The following NALF1 variants were observed in gnomAD, a reference collection of about 807,000 sequenced individuals.
NALF1 encodes the protein family with sequence similarity 155 member A.
In NALF1, 3 loss-of-function variants were observed where a neutral mutation model predicts 48.4. The observed-to-expected ratio is 0.06, with a 90% CI of 0.03 to 0.16. NALF1 has a LOEUF of 0.16. NALF1 is among the 10% of genes least tolerant of loss of function. The pLI, the probability that NALF1 is intolerant of heterozygous loss-of-function variation, is 1.00. For missense variants in NALF1, 526 were observed against 571.5 expected (o/e 0.92, Z 0.81); for synonymous variants, 262 against 245.7 (o/e 1.07, Z -0.62).
Position 107,638,201 on chromosome 13 carries a change from A to ATATATGTATATGTATG in NALF1, c.915+227480_915+227481insCATACATATACATATA, listed in dbSNP as rs1555314240. On this transcript the variant is annotated intron_variant, in intron 1 of 2. Transcript: ENST00000375915. ...TATATAAAGATTTATATATATATAT[A>ATATATGTATATGTATG]TATATAATTTAAGATGAACATTGGG... 6.3e-5 allele frequency among the ~76,000 whole-genome samples: 7 copies of ATATATGTATATGTATG among 110,832 alleles called. 1 individual carries two copies. The highest frequency in any genetic ancestry group is 2.0e-4 in the African/African-American group (7 of 35,242). The allele number at this position is 110,832 out of a possible 152,430, so 72.7% of individuals were successfully genotyped here. A position where few individuals can be genotyped will look rare whatever the true frequency, so the allele number is the denominator to read the frequency against.
intron 1 of NALF1, among the ~76,000 whole-genome samples, chr13:107,445,335 T>C (rs1884632356): frequency 6.8e-6 from 1 of 147,706 alleles, no homozygotes; most frequent in South Asian, 2.2e-4. Context: ...CATCATGTCA[T>C]ATGTAAACTT....
intron 1 of NALF1, among the ~76,000 whole-genome samples, chr13:107,414,034 A>G (rs1884040666): frequency 1.3e-5 from 2 of 152,150 alleles, no homozygotes; most frequent in African/African-American, 4.8e-5. Flanking sequence ...TGCTCAGCCC[A>G]CCTTGGCCTC....
At chr13:107,854,441 G>A (rs1372700238) in intron 1 of NALF1, among the ~76,000 whole-genome samples, 3 of 152,156 alleles carry the variant, frequency 2.0e-5, no homozygotes, top group Non-Finnish European at 4.4e-5. Context: ...TGTTCACTAC[G>A]GCCGGAGATA....
chr13:107,763,808 A>C (rs1877340557), intron 1 of NALF1, among the ~76,000 whole-genome samples: 1 of 152,214 alleles, frequency 6.6e-6, no homozygotes, highest in Non-Finnish European at 1.5e-5. Flanking sequence ...CAGGACTACC[A>C]GGTATACAAT....
chr13:107,569,195 C>A (rs1045061193), intron 1 of NALF1, among the ~76,000 whole-genome samples: 14 of 152,036 alleles, frequency 9.2e-5, no homozygotes, highest in Admixed American at 1.3e-4. Context: ...CACAGCCAGG[C>A]GTGGTGGCTC....
At chr13:107,740,047 C>T (rs1188678626) in intron 1 of NALF1, among the ~76,000 whole-genome samples, 1 of 152,088 alleles carries the variant, frequency 6.6e-6, no homozygotes, top group Non-Finnish European at 1.5e-5. Context: ...ATAAAGTGCA[C>T]AATAAGTGTA....
chr13:107,254,137 C>T (rs893499570), intron 1 of NALF1, among the ~76,000 whole-genome samples: 3 of 151,742 alleles, frequency 2.0e-5, no homozygotes, highest in African/African-American at 7.3e-5. Context: ...AGGCCAATTA[C>T]ACACAGGCAA....
intron 1 of NALF1, among the ~76,000 whole-genome samples, chr13:107,634,451 TA>T (rs1879920963): frequency 6.6e-6 from 1 of 152,188 alleles, no homozygotes; most frequent in Non-Finnish European, 1.5e-5. Context: ...ATGAATTTTT[TA>T]AAAAATTAAT....
intron 1 of NALF1, among the ~76,000 whole-genome samples, chr13:107,643,526 T>C (rs375139720): frequency 3.5e-4 from 48 of 135,720 alleles, no homozygotes; most frequent in South Asian, 8.3e-4. Flanking sequence ...ATAATTTCCA[T>C]ATACAGTGTA....
intron 1 of NALF1, among the ~76,000 whole-genome samples, chr13:107,686,212 G>C (rs530169098): frequency 6.6e-6 from 1 of 152,274 alleles, no homozygotes; most frequent in East Asian, 1.9e-4. Context: ...TGGGAGTATA[G>C]GGGAGACAGC....
At chr13:107,692,774 A>C (rs1937564145) in intron 1 of NALF1, among the ~76,000 whole-genome samples, 1 of 152,216 alleles carries the variant, frequency 6.6e-6, no homozygotes, top group African/African-American at 2.4e-5. Flanking sequence ...GCTATGCCAA[A>C]CCAACAATAT....
At chr13:107,687,748 C>T (rs1330880074) in intron 1 of NALF1, among the ~76,000 whole-genome samples, 1 of 152,110 alleles carries the variant, frequency 6.6e-6, no homozygotes. Flanking sequence ...AAGTATCACC[C>T]ACACAACATT....
At chr13:107,388,646 A>G (rs539438723) in intron 1 of NALF1, among the ~76,000 whole-genome samples, 8 of 152,346 alleles carry the variant, frequency 5.3e-5, no homozygotes, top group Admixed American at 1.3e-4. Flanking sequence ...AGGTTTTCCA[A>G]TGAATGTTCT....
chr13:107,515,752 CTCT>C lies in NALF1; in HGVS notation c.916-305000_916-304998del, dbSNP rs1370377838. Among the ~76,000 whole-genome samples, 4 of 152,320 alleles carry C rather than the reference CTCT, an allele frequency of 2.6e-5. No homozygotes were observed. In the South Asian group the frequency reaches 8.3e-4, roughly 32 times the overall value. On this transcript the variant is annotated intron_variant, in intron 1 of 2. Transcript: ENST00000375915. ...CACACCCTAGGAGCTGAGACAGCTC[CTCT>C]GTCAGCCTCATTTGTGGATTGGTTG...
chr13:107,330,072 C>T (rs536364052), intron 1 of NALF1, among the ~76,000 whole-genome samples: 1 of 152,222 alleles, frequency 6.6e-6, no homozygotes, highest in South Asian at 2.1e-4. Flanking sequence ...ATGCAGATCT[C>T]CCTGCCCAGG....
At position 107,491,158 on chromosome 13, in the gene NALF1, G is replaced by T. The variant is rs184812465; in HGVS notation, c.916-280403C>A. ...GATTCCTGGCACAATGGAACACCTA[G>T]TTGAGATGGAACCAACTGAAAGGAT... On this transcript the variant is annotated intron_variant, in intron 1 of 2. Transcript: ENST00000375915. 1.3e-4 allele frequency among the ~76,000 whole-genome samples: 20 copies of T among 152,310 alleles called. No individual in the cohort carries two copies. In the East Asian group the frequency reaches 3.7e-3, roughly 28 times the overall value.
At chr13:107,330,656 G>A (rs887758721) in intron 1 of NALF1, among the ~76,000 whole-genome samples, 10 of 152,102 alleles carry the variant, frequency 6.6e-5, no homozygotes, top group Admixed American at 2.0e-4. Context: ...TTTGCAAGCC[G>A]CGGGGCTGTG....
At chr13:107,410,590 G>T (rs1277241584) in intron 1 of NALF1, among the ~76,000 whole-genome samples, 1 of 151,782 alleles carries the variant, frequency 6.6e-6, no homozygotes, top group Admixed American at 6.6e-5. Flanking sequence ...ATACACACAC[G>T]ACAATGCTGT....
intron 1 of NALF1, among the ~76,000 whole-genome samples, chr13:107,296,720 A>T (rs1881733604): frequency 6.6e-6 from 1 of 152,168 alleles, no homozygotes; most frequent in South Asian, 2.1e-4. Flanking sequence ...CCTAGTTGCA[A>T]TGTACAAAGG....
Sources: allele counts gnomAD v4.1 joint callset (sites outside exome capture counted in the v4.1 genomes callset), GRCh38; gene constraint gnomAD v4.1.1; transcripts MANE v1.5; gene names NCBI Gene and HGNC (gene_info 2026-07-23, HGNC 2026-07-21).